Variants in UBAP2 observed in about 807,000 individuals in gnomAD.
UBAP2 encodes the protein ubiquitin associated protein 2, also known as ubiquitin-associated protein 2.
UBAP2 carries 75 observed loss-of-function variants against 139.6 expected under a neutral mutation model. The ratio of observed to expected loss-of-function variants is 0.54; its 90% CI spans 0.45 to 0.65. The LOEUF (loss-of-function observed/expected upper bound fraction) is 0.65, where lower values mean the gene tolerates loss of function less well. Among genes scored for constraint, UBAP2 ranks in the 30% least tolerant of loss-of-function variants. The probability of loss-of-function intolerance (pLI) is 0.00; values close to 1 mark genes in which losing one functional copy is unlikely to be tolerated. For synonymous variants in UBAP2, 526 were observed against 526.2 expected (o/e 1.00, Z 0.01); for missense variants, 1,368 against 1,369.6 (o/e 1.00, Z 0.02).
chr9:33,958,970 G>A (rs1469486976), intron 10 of UBAP2, among the ~76,000 whole-genome samples: 1 of 151,408 alleles, frequency 6.6e-6, no homozygotes, highest in Non-Finnish European at 1.5e-5. Context: ...CCAACATGGT[G>A]AAACCCCGTC....
intron 17 of UBAP2, chr9:33,934,255 C>T (rs956372746): frequency 6.4e-6 from 1 of 156,388 alleles, no homozygotes; most frequent in Non-Finnish European, 1.5e-5. Context: ...AAATGAGCTT[C>T]GTAGGCTTCA....
chr9:33,966,173 C>G (rs1301543948), intron 8 of UBAP2, among the ~76,000 whole-genome samples: 2 of 151,578 alleles, frequency 1.3e-5, no homozygotes, highest in Non-Finnish European at 2.9e-5. Flanking sequence ...CAAGGCCAGG[C>G]ACAATAGCTC....
chr9:33,991,579 G>A (rs1821716979), intron 4 of UBAP2, among the ~76,000 whole-genome samples: 2 of 152,168 alleles, frequency 1.3e-5, no homozygotes, highest in South Asian at 4.1e-4. Context: ...ACTGAAGGAA[G>A]AGGTATAAGT....
chr9:33,986,334 C>T (rs993941767), intron 6 of UBAP2, among the ~76,000 whole-genome samples: 1 of 152,030 alleles, frequency 6.6e-6, no homozygotes. Context: ...TTAACAATTA[C>T]GTATTATACA....
At chr9:33,953,230 C>T in intron 12 of UBAP2, 55 bp downstream of exon 12, 1 of 1,474,002 alleles carries the variant, frequency 6.8e-7, no homozygotes, top group Admixed American at 2.0e-5. Flanking sequence ...TTCTAGAATA[C>T]ATTTGCTAAT....
At chr9:34,045,290 G>C (rs561205192) in intron 1 of UBAP2, among the ~76,000 whole-genome samples, 13 of 151,194 alleles carry the variant, frequency 8.6e-5, no homozygotes, top group African/African-American at 2.7e-4. Context: ...AGCTTGAAGT[G>C]AGCCGAGATT....
chr9:33,957,712 C>T (rs189867587), intron 10 of UBAP2, among the ~76,000 whole-genome samples: 6 of 152,138 alleles, frequency 3.9e-5, no homozygotes, highest in East Asian at 1.9e-4. Flanking sequence ...TGAGGTAACA[C>T]GGAAAACATA....
In UBAP2 at chr9:33,923,060, C is replaced by G. The variant is rs779168295; in HGVS notation, c.3005-27G>C. On this transcript the variant is annotated intron_variant, in intron 26 of 28. Coordinates refer to ENST00000379238, the MANE Select transcript of UBAP2 (RefSeq NM_001370062.2). ...TAGGAGGAAAAGCAGTTGTTCCCCA[C>G]AGCAGTTGTTCCCAGCTCCAGGCTC... 4.3e-6 allele frequency: 7 copies of G among 1,613,860 alleles called. No individual in the cohort carries two copies. The East Asian group carries it at 8.9e-5, about 21-fold the overall frequency.
intron 8 of UBAP2, among the ~76,000 whole-genome samples, chr9:33,966,248 T>C (rs1339176236): frequency 1.3e-5 from 2 of 149,640 alleles, no homozygotes; most frequent in African/African-American, 2.5e-5. Context: ...AAGAGTTCAA[T>C]ACTTACCTGC....
chr9:33,956,534 G>A (rs1362798603), intron 10 of UBAP2, among the ~76,000 whole-genome samples: 1 of 151,906 alleles, frequency 6.6e-6, no homozygotes, highest in African/African-American at 2.4e-5. Context: ...TTGCCATGTT[G>A]CCCAGGATAA....
chr9:33,955,837 A>G (rs958139145), intron 11 of UBAP2, among the ~76,000 whole-genome samples: 5 of 151,712 alleles, frequency 3.3e-5, no homozygotes, highest in African/African-American at 9.7e-5. Context: ...CAAAATAGAA[A>G]AAAAAAAAAA....
intron 11 of UBAP2, among the ~76,000 whole-genome samples, chr9:33,954,939 T>C (rs1011710687): frequency 1.3e-5 from 2 of 152,174 alleles, no homozygotes; most frequent in Non-Finnish European, 2.9e-5. Context: ...TCACTACACT[T>C]TGAAACCACT....
Position 33,922,475 on chromosome 9 carries a change from T to C in UBAP2, c.*29A>G, listed in dbSNP as rs1408808243. 1.9e-6 allele frequency: 3 copies of C among 1,606,276 alleles called. No homozygotes were observed. Among genetic ancestry groups the C allele is most frequent in the African/African-American group, 2.7e-5 (2 of 74,766 alleles). Reference sequence around the variant, plus strand: ...TGTTCTCTCCTGCCCAGGATAAGCCTTGCCCCAGCCCACCCCTCTCTTCTG... The same window carrying C: ...TGTTCTCTCCTGCCCAGGATAAGCCCTGCCCCAGCCCACCCCTCTCTTCTG... On this transcript the variant is annotated 3_prime_UTR_variant, in exon 29 of 29. Coordinates refer to ENST00000379238, the MANE Select transcript of UBAP2 (RefSeq NM_001370062.2).
Position 33,996,312 on chromosome 9 carries a change from T to G in UBAP2, c.199A>C (p.Asn67His). Residue 67 changes from asparagine (N) to histidine (H), a missense_variant, in exon 4 of 29, where the codon AAT (asparagine) becomes CAT (histidine). Asn to His is a moderately conservative substitution (Grantham distance 68, BLOSUM62 1). Transcript: ENST00000379238. The part of the protein sequence containing the change: ...VKQLMEVTGK[N>H]QDECIVALHD... ...AGGGCCACTATGCATTCATCCTGATTTTTCCCTGTCACTTCCATAAGCTAG... is the reference window on the plus strand; with the variant it reads ...AGGGCCACTATGCATTCATCCTGATGTTTCCCTGTCACTTCCATAAGCTAG... 1 of 1,613,588 alleles carries G rather than the reference T, an allele frequency of 6.2e-7. No individual in the cohort carries two copies. Among genetic ancestry groups the G allele is most frequent in the Non-Finnish European group, 8.5e-7 (1 of 1,179,920 alleles).
intron 6 of UBAP2, among the ~76,000 whole-genome samples, chr9:33,984,241 G>A (rs535725231): frequency 7.4e-4 from 112 of 152,212 alleles, no homozygotes; most frequent in Non-Finnish European, 1.1e-3. Flanking sequence ...CTCCAATTTA[G>A]CCTCAGCATT....
At chr9:33,995,622 A>C (rs1438452520) in intron 4 of UBAP2, 1 of 142,148 alleles carries the variant, frequency 7.0e-6, no homozygotes, top group African/African-American at 2.6e-5. Flanking sequence ...TATATTTATA[A>C]ATAAATATAT....
At chr9:33,999,080 A>G (rs1434407698) in intron 2 of UBAP2, among the ~76,000 whole-genome samples, 1 of 152,222 alleles carries the variant, frequency 6.6e-6, no homozygotes, top group Admixed American at 6.5e-5. Context: ...TCCTTTGACC[A>G]AACGACCTAA....
At position 33,933,603 on chromosome 9, in the gene UBAP2, A is replaced by G. The variant is rs548708195; in HGVS notation, c.1995T>C (p.Ser665=). Residue 665 remains serine, a synonymous_variant, in exon 18 of 29, where the codon TCT becomes TCC. Coordinates refer to ENST00000379238, the MANE Select transcript of UBAP2 (RefSeq NM_001370062.2). ...LDTPKTTGPP[S]ALPSVSSLPS... is the part of the protein sequence containing the mutation. ...GCAGGGAGCTCACAGACGGGAGGGC[A>G]GAGGGAGGGCCTGTTGTCTTTGGAG... 6.2e-7 allele frequency: 1 copy of G among 1,613,960 alleles called. No homozygotes were observed. Among genetic ancestry groups the G allele is most frequent in the South Asian group, 1.1e-5 (1 of 91,084 alleles).
chr9:33,935,650 T>C (rs1013759794), intron 17 of UBAP2, 189 bp downstream of exon 17: 12 of 654,312 alleles, frequency 1.8e-5, no homozygotes, highest in Non-Finnish European at 3.0e-5. Context: ...ACCACCTCCT[T>C]CTTGCTGTGG....
Sources: allele counts gnomAD v4.1 joint callset (sites outside exome capture counted in the v4.1 genomes callset), GRCh38; gene constraint gnomAD v4.1.1; transcripts MANE v1.5; gene names NCBI Gene and HGNC (gene_info 2026-07-23, HGNC 2026-07-21).